Variants in CHRM5 observed in about 807,000 individuals in gnomAD.
CHRM5 encodes the protein cholinergic receptor muscarinic 5.
CHRM5 carries 18 observed loss-of-function variants against 39.0 expected under a neutral mutation model. The ratio of observed to expected loss-of-function variants is 0.46; its 90% CI spans 0.32 to 0.68. The LOEUF is 0.68. CHRM5 is among the 30% of genes least tolerant of loss of function. The probability of loss-of-function intolerance (pLI) is 0.04; values close to 1 mark genes in which losing one functional copy is unlikely to be tolerated. For synonymous variants in CHRM5, 241 were observed against 246.3 expected (o/e 0.98, Z 0.20); for missense variants, 515 against 651.1 (o/e 0.79, Z 2.28).
At chr15:34,055,819 TA>T (rs1900125687) in intron 2 of CHRM5, among the ~76,000 whole-genome samples, 1 of 151,988 alleles carries the variant, frequency 6.6e-6, no homozygotes, top group Non-Finnish European at 1.5e-5. Context: ...AATAAATAAA[TA>T]AATAAAAATA....
At chr15:33,982,618 C>T (rs910049397) in intron 1 of CHRM5, among the ~76,000 whole-genome samples, 4 of 151,828 alleles carry the variant, frequency 2.6e-5, no homozygotes, top group African/African-American at 9.7e-5. Flanking sequence ...AAATGTTTAC[C>T]CATATCTACC....
chr15:33,975,241 G>T (rs1386183745), intron 1 of CHRM5, among the ~76,000 whole-genome samples: 1 of 152,094 alleles, frequency 6.6e-6, no homozygotes, highest in African/African-American at 2.4e-5. Context: ...GATTCACAAA[G>T]ATATTCTTCT....
intron 1 of CHRM5, among the ~76,000 whole-genome samples, chr15:34,005,919 A>T (rs1304470410): frequency 6.6e-6 from 1 of 152,220 alleles, no homozygotes; most frequent in South Asian, 2.1e-4. Context: ...TGAAAACTAG[A>T]GCATTCCTGC....
chr15:34,015,288 C>A (rs560735054), intron 1 of CHRM5, among the ~76,000 whole-genome samples: 1 of 152,224 alleles, frequency 6.6e-6, no homozygotes, highest in African/African-American at 2.4e-5. Context: ...TCGAGACCAT[C>A]TTGGCTAACA....
intron 1 of CHRM5, among the ~76,000 whole-genome samples, chr15:34,039,648 A>G (rs1219889914): frequency 1.3e-5 from 2 of 152,152 alleles, no homozygotes; most frequent in Non-Finnish European, 2.9e-5. Flanking sequence ...AGCACGTGGG[A>G]GAGAGAACAG....
intron 1 of CHRM5, among the ~76,000 whole-genome samples, chr15:34,027,243 C>T (rs1898521129): frequency 6.6e-6 from 1 of 152,088 alleles, no homozygotes; most frequent in East Asian, 1.9e-4. Context: ...AATGAACAGC[C>T]TCGGCTCATA....
chr15:33,995,442 T>C (rs1656537519), intron 1 of CHRM5, among the ~76,000 whole-genome samples: 1 of 152,230 alleles, frequency 6.6e-6, no homozygotes. Flanking sequence ...GCATAGGTTA[T>C]ATGCAAATAT....
At chr15:34,037,501 TAA>T (rs931964775) in intron 1 of CHRM5, among the ~76,000 whole-genome samples, 1 of 149,540 alleles carries the variant, frequency 6.7e-6, no homozygotes, top group Non-Finnish European at 1.5e-5. Flanking sequence ...ACATTGTAGT[TAA>T]TATATAATTA....
At position 34,063,141 on chromosome 15, in the gene CHRM5, C is replaced by A; in HGVS notation, c.424C>A (p.Arg142Ser). The change falls in exon 3 of 3, where the codon CGT becomes AGT. Residue 142 changes from arginine to serine, a missense_variant. Arg to Ser is a moderately radical substitution (Grantham distance 110). Transcript: ENST00000383263. This position sits in a 1 kb window ranked among gnomAD's most constrained non-coding sequence, Gnocchi z 4.1. Reference protein sequence around the residue: ...ITRPLTYRAKRTPKRAGIMIG... With the variant: ...ITRPLTYRAKSTPKRAGIMIG... ...AAGACCCTTGACATATCGGGCCAAG[C>A]GTACTCCGAAAAGGGCTGGCATCAT... 1 of 1,614,166 alleles carries A rather than the reference C, an allele frequency of 6.2e-7. No homozygotes were observed. Among genetic ancestry groups the A allele is most frequent in the Non-Finnish European group, 8.5e-7 (1 of 1,180,026 alleles).
At chr15:34,015,139 C>T (rs992261133) in intron 1 of CHRM5, among the ~76,000 whole-genome samples, 3 of 152,124 alleles carry the variant, frequency 2.0e-5, no homozygotes, top group Non-Finnish European at 2.9e-5. Context: ...AAATCCCATT[C>T]AAAGCTGTTA....
intron 1 of CHRM5, among the ~76,000 whole-genome samples, chr15:33,979,611 T>C (rs1317084587): frequency 6.6e-6 from 1 of 152,244 alleles, no homozygotes; most frequent in African/African-American, 2.4e-5. Flanking sequence ...TGAGCCTCGG[T>C]TTCCTCCTTT....
chr15:34,001,032 T>C (rs990158085), intron 1 of CHRM5, among the ~76,000 whole-genome samples: 1 of 151,522 alleles, frequency 6.6e-6, no homozygotes, highest in Non-Finnish European at 1.5e-5. Context: ...TTTTTTTTTT[T>C]TTTTTGAGAC....
intron 1 of CHRM5, among the ~76,000 whole-genome samples, chr15:34,019,818 T>C (rs1049136091): frequency 3.9e-5 from 6 of 152,220 alleles, no homozygotes; most frequent in South Asian, 2.1e-4. Context: ...CTCTATGGTA[T>C]TGCACAATGA....
chr15:34,002,985 G>A (rs1389920658), intron 1 of CHRM5: 1 of 1,467,824 alleles, frequency 6.8e-7, no homozygotes, highest in South Asian at 1.3e-5. Flanking sequence ...AAATGTCTGT[G>A]CAACTTTCAG....
intron 1 of CHRM5, among the ~76,000 whole-genome samples, chr15:34,002,724 G>T (rs916778546): frequency 6.6e-6 from 1 of 152,072 alleles, no homozygotes; most frequent in Non-Finnish European, 1.5e-5. Context: ...CAATATCAAA[G>T]AAAACATTTA....
intron 1 of CHRM5, among the ~76,000 whole-genome samples, chr15:33,992,250 C>A (rs781005319): frequency 6.6e-6 from 1 of 152,130 alleles, no homozygotes; most frequent in African/African-American, 2.4e-5. Context: ...GTTAGCTGGG[C>A]GTGGTGGCGG....
intron 1 of CHRM5, among the ~76,000 whole-genome samples, chr15:34,015,339 CA>C (rs1336140038): frequency 2.6e-5 from 4 of 151,926 alleles, no homozygotes; most frequent in Non-Finnish European, 4.4e-5. Context: ...AAAAATTAGC[CA>C]GGTGCGGTGG....
intron 2 of CHRM5, 67 bp from the exon 3 acceptor site, chr15:34,062,576 T>G: frequency 2.2e-6 from 1 of 454,862 alleles, no homozygotes; most frequent in Non-Finnish European, 3.7e-6. Flanking sequence ...AAAAAAAAAC[T>G]ATAAACAATG....
chr15:34,036,509 C>T (rs948773448), intron 1 of CHRM5, among the ~76,000 whole-genome samples: 1 of 152,104 alleles, frequency 6.6e-6, no homozygotes, highest in Admixed American at 6.6e-5. Context: ...AACAAGAAGG[C>T]TTCAGGAAAG....
Sources: gnomAD v4.1 joint callset for allele counts (sites outside exome capture counted in the v4.1 genomes callset) on GRCh38, gnomAD v4.1.1 for gene constraint, Gnocchi (gnomAD v3.1) non-coding constraint, MANE v1.5 for transcripts, NCBI Gene and HGNC (gene_info 2026-07-23, HGNC 2026-07-21) for gene names.